Variants in C3orf33 observed in about 807,000 individuals in gnomAD.
C3orf33 encodes the protein AP-1 activity suppressor.
Under a neutral mutation model 28.7 loss-of-function variants are expected in C3orf33, and 23 were observed. The observed-to-expected ratio is 0.80, with a 90% CI of 0.58 to 1.13. C3orf33 has a LOEUF of 1.13. Among genes scored for constraint, C3orf33 ranks in the 50% most tolerant of loss-of-function variants. The pLI is 0.00. For missense variants in C3orf33, 327 were observed against 353.4 expected (o/e 0.93, Z 0.60); for synonymous variants, 119 against 120.5 (o/e 0.99, Z 0.08).
chr3:155,771,162 G>A (rs1257288653), intron 3 of C3orf33, among the ~76,000 whole-genome samples: 2 of 151,982 alleles, frequency 1.3e-5, no homozygotes, highest in African/African-American at 4.8e-5. Context: ...CTGGAGTGCA[G>A]TGGCATGATC....
chr3:155,764,553 C>T (rs551871650), intron 4 of C3orf33, among the ~76,000 whole-genome samples: 142 of 151,160 alleles, frequency 9.4e-4, no homozygotes, highest in Middle Eastern at 3.4e-3. Flanking sequence ...CATTAATTTA[C>T]GGTATAAAGG....
intron 2 of C3orf33, among the ~76,000 whole-genome samples, chr3:155,793,221 A>C (rs1344166696): frequency 2.6e-5 from 4 of 151,728 alleles, no homozygotes; most frequent in South Asian, 2.1e-4. Flanking sequence ...AAAAAAAAAA[A>C]AACCTGTAAT....
chr3:155,796,247 A>G (rs1315160450), intron 2 of C3orf33, among the ~76,000 whole-genome samples: 2 of 152,150 alleles, frequency 1.3e-5, no homozygotes, highest in Admixed American at 1.3e-4. Flanking sequence ...AAAGCCGACA[A>G]ACCTTTAGCC....
intron 3 of C3orf33, among the ~76,000 whole-genome samples, chr3:155,771,652 C>A (rs928167963): frequency 2.0e-5 from 3 of 152,200 alleles, no homozygotes; most frequent in Non-Finnish European, 4.4e-5. Context: ...CTGCTACAGC[C>A]TCTCAAAGTG....
intron 2 of C3orf33, among the ~76,000 whole-genome samples, chr3:155,777,498 T>A (rs569759625): frequency 6.6e-6 from 1 of 152,082 alleles, no homozygotes; most frequent in South Asian, 2.1e-4. Flanking sequence ...TGCAGCTCAG[T>A]GGCATAATCC....
intron 4 of C3orf33, among the ~76,000 whole-genome samples, chr3:155,764,533 T>A (rs1006076325): frequency 3.5e-5 from 5 of 141,114 alleles, no homozygotes; most frequent in Admixed American, 2.7e-4. Context: ...TAAATGGGAT[T>A]TTTTTTTTTC....
chr3:155,771,093 A>T (rs73021514), intron 3 of C3orf33, among the ~76,000 whole-genome samples: 3,474 of 140,750 alleles, frequency 0.025, 177 homozygotes, highest in African/African-American at 0.089. Flanking sequence ...AGGCTGGAGG[A>T]CAGTGTGTGT....
chr3:155,766,865 G>A (rs1481618425), intron 4 of C3orf33, among the ~76,000 whole-genome samples: 1 of 152,098 alleles, frequency 6.6e-6, no homozygotes, highest in Non-Finnish European at 1.5e-5. Context: ...CAGGAGAATT[G>A]CTTAAACCTG....
intron 3 of C3orf33, among the ~76,000 whole-genome samples, chr3:155,773,260 G>A (rs941806985): frequency 2.0e-5 from 3 of 152,180 alleles, no homozygotes; most frequent in African/African-American, 7.2e-5. Flanking sequence ...CAGGTAAATA[G>A]GTTTCATGTC....
chr3:155,801,005 T>TA (rs1219649084), intron 2 of C3orf33, among the ~76,000 whole-genome samples: 4 of 152,086 alleles, frequency 2.6e-5, no homozygotes, highest in African/African-American at 7.2e-5. Context: ...ACAGCCACTG[T>TA]AAAAAACAGT....
At chr3:155,769,243 C>T (rs1029705417) in intron 3 of C3orf33, among the ~76,000 whole-genome samples, 8 of 151,238 alleles carry the variant, frequency 5.3e-5, no homozygotes, top group East Asian at 3.9e-4. Flanking sequence ...ATTTGGGAGG[C>T]GGAAGTTGCG....
chr3:155,798,094 T>TA (rs34521424), intron 2 of C3orf33, among the ~76,000 whole-genome samples: 1 of 146,608 alleles, frequency 6.8e-6, no homozygotes, highest in Non-Finnish European at 1.5e-5. Flanking sequence ...AAAAAGGCTA[T>TA]AAAACACTAA....
At chr3:155,781,025 C>A (rs1321242904) in intron 2 of C3orf33, among the ~76,000 whole-genome samples, 1 of 149,196 alleles carries the variant, frequency 6.7e-6, no homozygotes. Flanking sequence ...GAGTCTCGCT[C>A]TGTCGCCCAG....
At chr3:155,787,263 A>G (rs983940609) in intron 2 of C3orf33, among the ~76,000 whole-genome samples, 1 of 151,700 alleles carries the variant, frequency 6.6e-6, no homozygotes, top group Non-Finnish European at 1.5e-5. Context: ...CGGTGGCTTG[A>G]TCATGGCTCA....
At chr3:155,767,454 C>T (rs1208305196) in intron 4 of C3orf33, 55 bp downstream of exon 4, 8 of 1,303,924 alleles carry the variant, frequency 6.1e-6, no homozygotes, top group Non-Finnish European at 8.1e-6. Context: ...TAAGTGTTTA[C>T]ATATAAGTAA....
intron 2 of C3orf33, among the ~76,000 whole-genome samples, chr3:155,800,550 C>T (rs916118751): frequency 3.9e-5 from 5 of 127,050 alleles, no homozygotes; most frequent in Non-Finnish European, 6.2e-5. Flanking sequence ...GTTGAGGCTG[C>T]AATGAGCCAT....
chr3:155,763,931 A>C lies in C3orf33; in HGVS notation c.484-13T>G, dbSNP rs1750318178. ...TGAAATATCCACCCTTGAATTTAAA[A>C]ATAATACAAACCAATTATTTAAGAT... On this transcript the variant is annotated splice_polypyrimidine_tract_variant and intron_variant, in intron 4 of 4. Coordinates refer to ENST00000340171, the MANE Select transcript of C3orf33 (RefSeq NM_001308229.2). The C allele has an allele frequency of 7.2e-7, 1 of 1,379,788 alleles. No individual in the cohort carries two copies. Among genetic ancestry groups the C allele is most frequent in the Non-Finnish European group, 9.4e-7 (1 of 1,062,674 alleles). The allele number at this position is 1,379,788 out of a possible 1,614,324, so 85.5% of individuals were successfully genotyped here.
At chr3:155,797,443 G>A (rs1439941998) in intron 2 of C3orf33, among the ~76,000 whole-genome samples, 1 of 152,062 alleles carries the variant, frequency 6.6e-6, no homozygotes, top group African/African-American at 2.4e-5. Flanking sequence ...TATAGTATTA[G>A]AAGTCCTAGC....
At chr3:155,798,731 C>A (rs538529574) in intron 2 of C3orf33, among the ~76,000 whole-genome samples, 3 of 152,184 alleles carry the variant, frequency 2.0e-5, no homozygotes, top group Non-Finnish European at 4.4e-5. Flanking sequence ...TTGAAAAATA[C>A]CCCATAAGCA....
Sources: gnomAD v4.1 joint callset for allele counts (sites outside exome capture counted in the v4.1 genomes callset) on GRCh38, gnomAD v4.1.1 for gene constraint, MANE v1.5 for transcripts, NCBI Gene and HGNC (gene_info 2026-07-23, HGNC 2026-07-21) for gene names.